RBFOX1: variants seen among roughly 807,000 people sequenced by gnomAD.
RBFOX1 encodes RNA binding protein fox-1 homolog 1.
Under a neutral mutation model 57.7 loss-of-function variants are expected in RBFOX1, and 8 were observed. The observed-to-expected ratio is 0.14, with a 90% CI of 0.08 to 0.25. RBFOX1 has a LOEUF of 0.25. Among genes scored for constraint, RBFOX1 ranks in the 10% least tolerant of loss-of-function variants. The probability of loss-of-function intolerance (pLI) is 1.00; values close to 1 mark genes in which losing one functional copy is unlikely to be tolerated. For synonymous variants in RBFOX1, 326 were observed against 222.4 expected (o/e 1.47, Z -4.15); for missense variants, 611 against 548.5 (o/e 1.11, Z -1.14).
chr16:6,443,945 G>A (rs983332050), intron 2 of RBFOX1, among the ~76,000 whole-genome samples: 1 of 152,052 alleles, frequency 6.6e-6, no homozygotes, highest in African/African-American at 2.4e-5. Context: ...CAAAAGTGAT[G>A]ATTTGAACAG....
intron 3 of RBFOX1, among the ~76,000 whole-genome samples, chr16:6,966,872 C>T (rs1026056414): frequency 6.7e-6 from 1 of 148,806 alleles, no homozygotes; most frequent in Non-Finnish European, 1.5e-5. Context: ...TCCATCTATC[C>T]ATGTATCCAT....
intron 1 of RBFOX1, among the ~76,000 whole-genome samples, chr16:5,367,708 C>T (rs2065756963): frequency 6.6e-6 from 1 of 152,198 alleles, no homozygotes. Flanking sequence ...TTCATAACTG[C>T]GCTAAAAGGT....
chr16:6,624,338 C>G (rs916078207), intron 2 of RBFOX1, among the ~76,000 whole-genome samples: 1 of 151,994 alleles, frequency 6.6e-6, no homozygotes, highest in Non-Finnish European at 1.5e-5. Flanking sequence ...TGTCCCTTGC[C>G]TACTTTAAAT....
intron 11 of RBFOX1, among the ~76,000 whole-genome samples, 158 bp downstream of exon 11, chr16:7,630,841 G>A (rs1277967495): frequency 6.6e-6 from 1 of 152,024 alleles, no homozygotes; most frequent in Non-Finnish European, 1.5e-5. Flanking sequence ...TGTCTCCCAT[G>A]CCACTTCCCA....
chr16:7,258,996 T>C (rs986616844), intron 4 of RBFOX1, among the ~76,000 whole-genome samples: 5 of 152,316 alleles, frequency 3.3e-5, no homozygotes, highest in African/African-American at 7.2e-5. Context: ...AGCCCTTGTA[T>C]TCCCTCACCT....
chr16:5,473,741 G>A (rs2069220912), intron 2 of RBFOX1, among the ~76,000 whole-genome samples: 1 of 149,194 alleles, frequency 6.7e-6, no homozygotes, highest in Admixed American at 6.7e-5. Flanking sequence ...ATGAATAGAA[G>A]GATGGGTAGA....
chr16:6,820,145 T>G (rs1333057650), intron 3 of RBFOX1, among the ~76,000 whole-genome samples: 1 of 152,182 alleles, frequency 6.6e-6, no homozygotes, highest in African/African-American at 2.4e-5. Flanking sequence ...CACTGTCTCT[T>G]GCCTGCCGCC....
At position 7,140,542 on chromosome 16, in the gene RBFOX1, GT is replaced by G. The variant is rs146448492; in HGVS notation, c.27+88445del. 4.2e-3 allele frequency among the ~76,000 whole-genome samples: 635 copies of G among 152,194 alleles called. 5 individuals are homozygous for G. The highest frequency in any genetic ancestry group is 0.015 in the African/African-American group (608 of 41,510). On this transcript the variant is annotated intron_variant, in intron 4 of 15. Transcript: ENST00000550418. Reference sequence around the variant, plus strand: ...TGAGTTTAATAAATACATCTTTTAAGTGCATAAATGAATGCATTGATGAATT... The same window carrying G: ...TGAGTTTAATAAATACATCTTTTAAGGCATAAATGAATGCATTGATGAATT...
intron 3 of RBFOX1, among the ~76,000 whole-genome samples, chr16:7,014,256 G>T (rs1312909645): frequency 1.3e-5 from 2 of 152,044 alleles, no homozygotes; most frequent in Non-Finnish European, 2.9e-5. Flanking sequence ...TGTCGCCCAG[G>T]CTGGAGTGTG....
intron 3 of RBFOX1, among the ~76,000 whole-genome samples, chr16:5,736,070 T>C (rs575215674): frequency 2.4e-4 from 37 of 152,234 alleles, no homozygotes; most frequent in African/African-American, 8.4e-4. Flanking sequence ...CAGGGGGATT[T>C]GGACGTCCAT....
intron 3 of RBFOX1, among the ~76,000 whole-genome samples, chr16:6,750,282 A>G (rs2074668062): frequency 6.6e-6 from 1 of 152,246 alleles, no homozygotes; most frequent in Non-Finnish European, 1.5e-5. Flanking sequence ...GTATTGAATC[A>G]TTCTCATAGC....
At chr16:7,044,675 T>G (rs2047296030) in intron 3 of RBFOX1, among the ~76,000 whole-genome samples, 2 of 151,772 alleles carry the variant, frequency 1.3e-5, no homozygotes, top group South Asian at 4.2e-4. Flanking sequence ...TAAAATATAT[T>G]GGTTTTGTGC....
chr16:5,315,892 A>G (rs1202156618), intron 1 of RBFOX1, among the ~76,000 whole-genome samples: 1 of 152,072 alleles, frequency 6.6e-6, no homozygotes, highest in Non-Finnish European at 1.5e-5. Flanking sequence ...CAGACTCATC[A>G]TACATTCTCA....
chr16:7,434,491 T>A (rs1276973505), intron 4 of RBFOX1, among the ~76,000 whole-genome samples: 10 of 149,040 alleles, frequency 6.7e-5, no homozygotes, highest in African/African-American at 1.5e-4. Context: ...AATAAATAAA[T>A]AAAAATAAAA....
intron 3 of RBFOX1, among the ~76,000 whole-genome samples, chr16:6,873,500 C>G (rs2061311285): frequency 6.6e-6 from 1 of 152,100 alleles, no homozygotes; most frequent in African/African-American, 2.4e-5. Context: ...TTCCTCAAGG[C>G]TATGACAGTG....
At chr16:6,109,271 A>T (rs2096416896) in intron 1 of RBFOX1, among the ~76,000 whole-genome samples, 1 of 152,134 alleles carries the variant, frequency 6.6e-6, no homozygotes, top group Admixed American at 6.5e-5. Flanking sequence ...TTTCTTGATC[A>T]TCTTTGGATC....
intron 3 of RBFOX1, among the ~76,000 whole-genome samples, chr16:6,753,293 T>C (rs1393178855): frequency 1.3e-5 from 2 of 152,212 alleles, no homozygotes; most frequent in African/African-American, 4.8e-5. Flanking sequence ...GGATGTTTGC[T>C]GTAAAATTCT....
rs749660633 is a variant in RBFOX1 at position 7,284,107 on chromosome 16, A to G, written c.27+232009A>G. ...TTCATCCAGGTAGTTGCATCTATCA[A>G]CAGTTCCTTCTTCCCTTTTATTGCT... On this transcript the variant is annotated intron_variant, in intron 4 of 15. Transcript: ENST00000550418. Among the ~76,000 whole-genome samples, 14 of 152,236 alleles carry G rather than the reference A, an allele frequency of 9.2e-5. No homozygotes were observed. In the South Asian group the frequency reaches 1.2e-3, roughly 13 times the overall value.
intron 3 of RBFOX1, among the ~76,000 whole-genome samples, chr16:6,978,827 A>G (rs185280506): frequency 6.6e-6 from 1 of 152,160 alleles, no homozygotes; most frequent in African/African-American, 2.4e-5. Context: ...TCGGGTAACA[A>G]ATGCCTTCAA....
Sources: allele counts gnomAD v4.1 joint callset (sites outside exome capture counted in the v4.1 genomes callset), GRCh38; gene constraint gnomAD v4.1.1; transcripts MANE v1.5; gene names NCBI Gene and HGNC (gene_info 2026-07-23, HGNC 2026-07-21).